CEP78: variants seen among roughly 807,000 people sequenced by gnomAD.
CEP78 encodes centrosomal protein of 78 kDa.
A neutral mutation model predicts 81.2 loss-of-function variants in CEP78; 76 were observed. That is an observed-to-expected ratio of 0.94 (90% CI 0.78 to 1.13). The LOEUF is 1.13. Among genes scored for constraint, CEP78 ranks in the 50% most tolerant of loss-of-function variants. The pLI is 0.00. For missense variants in CEP78, 918 were observed against 846.8 expected, an observed-to-expected ratio of 1.08 and a Z score of -1.04; for synonymous variants, 293 against 301.4, an observed-to-expected ratio of 0.97 and a Z score of 0.29.
intron 1 of CEP78, among the ~76,000 whole-genome samples, chr9:78,238,300 G>T (rs1826060500): frequency 6.6e-6 from 1 of 152,166 alleles, no homozygotes; most frequent in African/African-American, 2.4e-5. Context: ...TGAGATTGGG[G>T]GTGGGAGGAG....
intron 15 of CEP78, among the ~76,000 whole-genome samples, chr9:78,266,184 A>G (rs1203789764): frequency 6.6e-6 from 1 of 152,134 alleles, no homozygotes; most frequent in Non-Finnish European, 1.5e-5. Context: ...TAATTTTCTT[A>G]TAGAATAAGG....
At chr9:78,250,186 G>A (rs1826688229) in intron 8 of CEP78, 3 of 397,770 alleles carry the variant, frequency 7.5e-6, no homozygotes, top group Admixed American at 4.4e-5. Context: ...AAGTTTACAA[G>A]CTCACTGAGC....
At chr9:78,246,823 A>G in intron 6 of CEP78, 41 bp downstream of exon 6, 1 of 1,135,412 alleles carries the variant, frequency 8.8e-7, no homozygotes, top group Non-Finnish European at 1.3e-6. Flanking sequence ...ACAAATAGCA[A>G]AAGAAAAAGA....
intron 10 of CEP78, chr9:78,253,927 C>CGGTA (rs1291851755): frequency 6.6e-6 from 1 of 152,198 alleles, no homozygotes; most frequent in African/African-American, 2.4e-5. Flanking sequence ...CTCATTCTAC[C>CGGTA]GTCTAGGATT....
intron 11 of CEP78, among the ~76,000 whole-genome samples, chr9:78,256,350 A>G (rs1248156111): frequency 6.6e-6 from 1 of 152,138 alleles, no homozygotes; most frequent in Non-Finnish European, 1.5e-5. Flanking sequence ...ACTCTCCTGA[A>G]ATGAGATCAT....
At position 78,252,022 on chromosome 9, in the gene CEP78, C is replaced by T; in HGVS notation, c.1184C>T (p.Ala395Val). The change falls in exon 9 of 17, where the codon GCA becomes GTA. Residue 395 changes from alanine to valine, a missense_variant. Physicochemically the swap from Ala to Val is moderately conservative, Grantham distance 64 (BLOSUM62 0). Coordinates refer to ENST00000643273, the MANE Select transcript of CEP78 (RefSeq NM_001330691.3). ...GVSGFLPWRT[A>V]ERAKRHRGFP... ...TCTGGTTTCTTGCCGTGGCGTACTGCAGAACGTGCAAAAAGACACAGGTAG... is the reference window on the plus strand; with the variant it reads ...TCTGGTTTCTTGCCGTGGCGTACTGTAGAACGTGCAAAAAGACACAGGTAG... 5 of 1,595,152 alleles carry T rather than the reference C, an allele frequency of 3.1e-6. No homozygotes were observed. Among genetic ancestry groups the T allele is most frequent in the Non-Finnish European group, 4.3e-6 (5 of 1,166,500 alleles).
intron 1 of CEP78, among the ~76,000 whole-genome samples, chr9:78,239,003 C>CA (rs952043335): frequency 1.2e-4 from 18 of 151,694 alleles, no homozygotes; most frequent in Middle Eastern, 6.8e-3. Flanking sequence ...CCTCCCCCTA[C>CA]AAAAAATAAA....
chr9:78,259,591 A>G (rs113141573), intron 11 of CEP78, among the ~76,000 whole-genome samples: 305 of 152,262 alleles, frequency 2.0e-3, no homozygotes, highest in African/African-American at 6.6e-3. Flanking sequence ...TTCTGTTCGT[A>G]TGTTTATTCA....
intron 11 of CEP78, among the ~76,000 whole-genome samples, chr9:78,257,748 T>C (rs1206708897): frequency 6.6e-6 from 1 of 152,216 alleles, no homozygotes; most frequent in Non-Finnish European, 1.5e-5. Context: ...CACTTGAGCT[T>C]GTCCGCCCTT....
chr9:78,256,626 G>A (rs1042112852), intron 11 of CEP78, among the ~76,000 whole-genome samples: 3 of 148,776 alleles, frequency 2.0e-5, no homozygotes, highest in South Asian at 2.1e-4. Context: ...TCCGCCTTCC[G>A]GGTTCACGCC....
intron 1 of CEP78, among the ~76,000 whole-genome samples, chr9:78,237,955 CAAAAAA>C (rs557546978): frequency 2.1e-4 from 22 of 106,084 alleles, no homozygotes; most frequent in East Asian, 1.7e-3. Context: ...ACTAAAAATA[CAAAAAA>C]AAAAAAAAAA....
chr9:78,252,968 C>G (rs866419498), intron 9 of CEP78, among the ~76,000 whole-genome samples: 1 of 152,134 alleles, frequency 6.6e-6, no homozygotes, highest in Non-Finnish European at 1.5e-5. Flanking sequence ...TTAATATCAC[C>G]AGTTAAAGAA....
chr9:78,255,041 G>A (rs529316725), intron 11 of CEP78, 77 bp downstream of exon 11: 49 of 1,216,088 alleles, frequency 4.0e-5, no homozygotes, highest in Non-Finnish European at 5.4e-5. Flanking sequence ...GCTTGATTAT[G>A]AACTGGACAG....
chr9:78,238,075 A>G (rs1453404226), intron 1 of CEP78, among the ~76,000 whole-genome samples: 1 of 151,298 alleles, frequency 6.6e-6, no homozygotes, highest in Non-Finnish European at 1.5e-5. Flanking sequence ...CAGTGAGCTG[A>G]GATTGCACCG....
Position 78,236,652 on chromosome 9 carries a change from G to A in CEP78, c.253+49G>A, listed in dbSNP as rs777834985. On this transcript the variant is annotated intron_variant, in intron 1 of 16. Transcript: ENST00000643273. The stretch of plus-strand genomic sequence containing the variant: ...CCCCTCAGTCGGTGCGGCGAAGTGG[G>A]TTTTTAGGTGAGTGGTGTCCATTGT... 5 of 1,509,886 alleles carry A rather than the reference G, an allele frequency of 3.3e-6. No homozygotes were observed. In the South Asian group the frequency reaches 5.4e-5, roughly 16 times the overall value. 93.5% of individuals were successfully genotyped at this position (1,509,886 alleles called of 1,614,324 possible).
chr9:78,245,574 A>G (rs1225928965), intron 5 of CEP78, among the ~76,000 whole-genome samples: 6 of 152,190 alleles, frequency 3.9e-5, no homozygotes, highest in Non-Finnish European at 8.8e-5. Context: ...TGAGATTCTG[A>G]AAGACTTCAG....
intron 10 of CEP78, 158 bp downstream of exon 10, chr9:78,253,435 T>C (rs1195016962): frequency 5.0e-6 from 3 of 597,502 alleles, no homozygotes; most frequent in Non-Finnish European, 9.2e-6. Flanking sequence ...TGCCACAGTA[T>C]AGGCGTGTGG....
chr9:78,266,153 C>T (rs1014706621), intron 15 of CEP78, among the ~76,000 whole-genome samples: 1 of 151,674 alleles, frequency 6.6e-6, no homozygotes, highest in African/African-American at 2.4e-5. Flanking sequence ...CTTACATGTG[C>T]ATAGAGGATA....
In CEP78 at chr9:78,265,504, AC is replaced by A. The variant is rs1370619767; in HGVS notation, c.1760del (p.Pro587ArgfsTer6). ...KKALEDEKPE[P>X]KQNALGQMQN... is the part of the protein sequence containing the mutation. Reference sequence around the variant, plus strand: ...AGGCGCTTGAAGATGAAAAACCAGAACCGAAGCAGAATGCCCTAGGGCAAAT... The same window carrying A: ...AGGCGCTTGAAGATGAAAAACCAGAACGAAGCAGAATGCCCTAGGGCAAAT... On this transcript the variant is annotated frameshift_variant, in exon 14 of 17. Coordinates refer to ENST00000643273, the MANE Select transcript of CEP78 (RefSeq NM_001330691.3). LOFTEE classifies it high-confidence loss of function. The A allele has an allele frequency of 1.9e-6, 3 of 1,580,880 alleles. No homozygotes were observed. Among genetic ancestry groups the A allele is most frequent in the Non-Finnish European group, 8.6e-7 (1 of 1,162,814 alleles).
Sources: allele counts gnomAD v4.1 joint callset (sites outside exome capture counted in the v4.1 genomes callset), GRCh38; gene constraint gnomAD v4.1.1; transcripts MANE v1.5; gene names NCBI Gene and HGNC (gene_info 2026-07-23, HGNC 2026-07-21).